DLG2: variants seen among roughly 807,000 people sequenced by gnomAD.
The protein encoded by DLG2 is disks large homolog 2.
DLG2 carries 45 observed loss-of-function variants against 132.5 expected under a neutral mutation model. That is an observed-to-expected ratio of 0.34 (90% CI 0.27 to 0.44). The LOEUF (loss-of-function observed/expected upper bound fraction) is 0.44, where lower values mean the gene tolerates loss of function less well. Ranked by LOEUF, DLG2 falls within the 20% of genes least tolerant of loss-of-function variation. The pLI is 1.00. For synonymous variants in DLG2, 424 were observed against 419.6 expected, an observed-to-expected ratio of 1.01 and a Z score of -0.13; for missense variants, 1,045 against 1,196.9, an observed-to-expected ratio of 0.87 and a Z score of 1.87.
At chr11:84,821,689 T>C (rs2077718980) in intron 6 of DLG2, among the ~76,000 whole-genome samples, 1 of 150,872 alleles carries the variant, frequency 6.6e-6, no homozygotes, top group Non-Finnish European at 1.5e-5. Context: ...AAACTTCTAG[T>C]CATTTTTTGT....
intron 14 of DLG2, among the ~76,000 whole-genome samples, chr11:83,937,399 C>A (rs934374607): frequency 6.7e-6 from 1 of 148,808 alleles, no homozygotes; most frequent in Admixed American, 6.8e-5. Flanking sequence ...CCCAGCTACT[C>A]GGGGAGGCTG....
chr11:83,849,513 G>A (rs947693289), intron 16 of DLG2, among the ~76,000 whole-genome samples: 9 of 151,628 alleles, frequency 5.9e-5, no homozygotes, highest in African/African-American at 1.4e-4. Context: ...TATTTGAAAC[G>A]AAATGTAGAA....
intron 21 of DLG2, among the ~76,000 whole-genome samples, chr11:83,523,622 T>C (rs1312209887): frequency 6.6e-6 from 1 of 152,232 alleles, no homozygotes; most frequent in Non-Finnish European, 1.5e-5. Flanking sequence ...ACAGGGTTAC[T>C]GTTAGGAGCA....
intron 10 of DLG2, among the ~76,000 whole-genome samples, chr11:84,061,317 T>C (rs2096587395): frequency 6.6e-6 from 1 of 152,208 alleles, no homozygotes; most frequent in Admixed American, 6.5e-5. Context: ...TACTCTCTTA[T>C]GTAATGAACA....
intron 6 of DLG2, among the ~76,000 whole-genome samples, chr11:85,007,437 G>A (rs2058761551): frequency 6.6e-6 from 1 of 151,872 alleles, no homozygotes; most frequent in African/African-American, 2.4e-5. Context: ...AAGGCGGGTG[G>A]ATCACGAGGT....
intron 18 of DLG2, among the ~76,000 whole-genome samples, chr11:83,720,170 T>C (rs994875063): frequency 6.6e-6 from 1 of 151,288 alleles, no homozygotes; most frequent in East Asian, 1.9e-4. Context: ...GGCTCGTGCC[T>C]GTAGTCCCAG....
chr11:83,918,304 T>A (rs1195835907), intron 15 of DLG2, among the ~76,000 whole-genome samples: 2 of 152,028 alleles, frequency 1.3e-5, no homozygotes, highest in Non-Finnish European at 2.9e-5. Flanking sequence ...CAGCAGAAGG[T>A]CTTTGATCGG....
intron 7 of DLG2, among the ~76,000 whole-genome samples, chr11:84,390,757 G>A (rs1601276769): frequency 6.6e-6 from 1 of 152,174 alleles, no homozygotes; most frequent in East Asian, 1.9e-4. Flanking sequence ...ATATGAAGTA[G>A]TGGGTTTGTA....
At chr11:84,715,131 A>C (rs1445360043) in intron 6 of DLG2, among the ~76,000 whole-genome samples, 1 of 152,128 alleles carries the variant, frequency 6.6e-6, no homozygotes, top group Non-Finnish European at 1.5e-5. Context: ...CCCCTATCTT[A>C]ATATATAAAA....
chr11:85,149,264 G>GT (rs2077065356), intron 5 of DLG2, among the ~76,000 whole-genome samples: 1 of 152,086 alleles, frequency 6.6e-6, no homozygotes. Context: ...ATTTAAAGTA[G>GT]TTTTTTTCTA....
intron 6 of DLG2, among the ~76,000 whole-genome samples, chr11:84,724,014 T>C (rs1285544104): frequency 6.6e-6 from 1 of 152,156 alleles, no homozygotes; most frequent in Non-Finnish European, 1.5e-5. Flanking sequence ...TAAGAGGCAT[T>C]AGCTAGTTAT....
At chr11:84,039,962 G>A (rs2096012309) in intron 11 of DLG2, among the ~76,000 whole-genome samples, 1 of 148,456 alleles carries the variant, frequency 6.7e-6, no homozygotes, top group South Asian at 2.2e-4. Flanking sequence ...GCATTTCTCT[G>A]ATGGCCAGTG....
intron 6 of DLG2, among the ~76,000 whole-genome samples, chr11:84,788,854 G>A (rs927605319): frequency 6.6e-6 from 1 of 152,064 alleles, no homozygotes; most frequent in Admixed American, 6.6e-5. Context: ...TGATCCTCCA[G>A]GGTTTCCTCA....
At chr11:85,355,575 C>T (rs2083630112) in intron 3 of DLG2, among the ~76,000 whole-genome samples, 2 of 151,918 alleles carry the variant, frequency 1.3e-5, no homozygotes, top group African/African-American at 2.4e-5. Context: ...TGATAAGAAG[C>T]CTAGTTGAGA....
chr11:85,331,570 A>T (rs1413341094), intron 3 of DLG2, among the ~76,000 whole-genome samples: 1 of 152,158 alleles, frequency 6.6e-6, no homozygotes, highest in Non-Finnish European at 1.5e-5. Context: ...TTATCTAGGT[A>T]GTAAGCATAG....
At chr11:85,092,587 C>T (rs142280159) in intron 6 of DLG2, among the ~76,000 whole-genome samples, 2 of 151,374 alleles carry the variant, frequency 1.3e-5, no homozygotes, top group Admixed American at 6.6e-5. Flanking sequence ...AAGACAGTTG[C>T]CTAGGTAATT....
At chr11:83,594,067 C>T (rs1005646130) in intron 19 of DLG2, among the ~76,000 whole-genome samples, 1 of 152,180 alleles carries the variant, frequency 6.6e-6, no homozygotes, top group African/African-American at 2.4e-5. Context: ...GACAGAAATA[C>T]TGGGAAAGAG....
At chr11:84,276,758 G>T (rs2097786845) in intron 7 of DLG2, among the ~76,000 whole-genome samples, 1 of 152,138 alleles carries the variant, frequency 6.6e-6, no homozygotes, top group African/African-American at 2.4e-5. Context: ...TTTGTATGGT[G>T]GGACTACCAT....
At chr11:85,541,913 G>T (rs1421437874) in intron 3 of DLG2, among the ~76,000 whole-genome samples, 2 of 152,052 alleles carry the variant, frequency 1.3e-5, no homozygotes, top group Admixed American at 1.3e-4. Flanking sequence ...TGTTATTCCT[G>T]TCTCTGCTTT....
Sources: allele counts gnomAD v4.1 joint callset (sites outside exome capture counted in the v4.1 genomes callset), GRCh38; gene constraint gnomAD v4.1.1; transcripts MANE v1.5; gene names NCBI Gene and HGNC (gene_info 2026-07-23, HGNC 2026-07-21).